The following CACNA1E variants were observed in gnomAD, a reference collection of about 807,000 sequenced individuals.
CACNA1E encodes the protein voltage-dependent R-type calcium channel subunit alpha-1E.
CACNA1E carries 40 observed loss-of-function variants against 259.2 expected under a neutral mutation model. The observed-to-expected ratio is 0.15, with a 90% CI of 0.12 to 0.20. CACNA1E has a LOEUF of 0.20. Among genes scored for constraint, CACNA1E ranks in the 10% least tolerant of loss-of-function variants. The probability of loss-of-function intolerance (pLI) is 1.00; values close to 1 mark genes in which losing one functional copy is unlikely to be tolerated. For missense variants in CACNA1E, 1,874 were observed against 3,040.1 expected (o/e 0.62, Z 9.02); for synonymous variants, 1,104 against 1,138.5 (o/e 0.97, Z 0.61).
At chr1:181,495,845 T>TAAC (rs1664698250) in intron 1 of CACNA1E, among the ~76,000 whole-genome samples, 1 of 152,258 alleles carries the variant, frequency 6.6e-6, no homozygotes, top group Non-Finnish European at 1.5e-5. Flanking sequence ...TATAAATATA[T>TAAC]AACACTTATT....
intron 1 of CACNA1E, among the ~76,000 whole-genome samples, chr1:181,377,044 T>C (rs567205853): frequency 6.1e-4 from 93 of 152,344 alleles, no homozygotes; most frequent in Admixed American, 2.2e-3. Context: ...GTCAAATTCA[T>C]GTATTTGTTC....
intron 6 of CACNA1E, among the ~76,000 whole-genome samples, chr1:181,585,912 G>C (rs1047590563): frequency 6.6e-6 from 1 of 152,196 alleles, no homozygotes; most frequent in African/African-American, 2.4e-5. Context: ...CTCTGAGTGA[G>C]ATGGGAAAGC....
intron 3 of CACNA1E, among the ~76,000 whole-genome samples, chr1:181,512,872 A>G (rs1053554089): frequency 2.6e-5 from 4 of 152,238 alleles, no homozygotes; most frequent in Non-Finnish European, 5.9e-5. Flanking sequence ...ATGAAGATAT[A>G]GTTTTTACAT....
chr1:181,680,180 C>CAGGAGAAA (rs1192527990), intron 7 of CACNA1E, among the ~76,000 whole-genome samples: 1 of 150,310 alleles, frequency 6.7e-6, no homozygotes, highest in Non-Finnish European at 1.5e-5. Flanking sequence ...AGTCAAGACC[C>CAGGAGAAA]AGGAGAAACC....
chr1:181,660,870 A>G (rs755814730), intron 7 of CACNA1E, among the ~76,000 whole-genome samples: 3 of 152,200 alleles, frequency 2.0e-5, no homozygotes, highest in Non-Finnish European at 4.4e-5. Context: ...AAAGTCAATG[A>G]CTGACTCACG....
chr1:181,580,559 T>A, intron 5 of CACNA1E, 36 bp from the exon 6 acceptor site: 1 of 1,594,414 alleles, frequency 6.3e-7, no homozygotes, highest in African/African-American at 1.3e-5. Flanking sequence ...CGAAACACCA[T>A]GTGATTTATC....
rs926850053 is a variant in CACNA1E, at chr1:181,732,569, G to A, written c.2483G>A (p.Arg828Gln). Residue 828 changes from arginine (R) to glutamine (Q), a missense_variant, in exon 20 of 48, where the codon CGG becomes CAG. By Grantham distance (43) the Arg-to-Gln change is conservative. Transcript: ENST00000367573. The surrounding 1 kb of genome is among the most constrained non-coding windows in gnomAD (Gnocchi z 5.5). ...NPLNAHPSLY[R>Q]RPRAIEGLAL... is the part of the protein sequence containing the mutation. ...CTCAATGCCCACCCCAGCCTTTATC[G>A]GCGACCCAGGGCCATTGAGGGCCTG... The A allele has an allele frequency of 9.2e-6, 14 of 1,528,092 alleles. No homozygotes were observed. The highest frequency in any genetic ancestry group is 5.6e-5 in the African/African-American group (4 of 71,850). 94.7% of individuals were successfully genotyped at this position (1,528,092 alleles called of 1,614,324 possible).
At chr1:181,632,816 C>T (rs1656869206) in intron 6 of CACNA1E, among the ~76,000 whole-genome samples, 1 of 152,158 alleles carries the variant, frequency 6.6e-6, no homozygotes, top group Non-Finnish European at 1.5e-5. Context: ...GGAGCATCTG[C>T]CATCTACAGG....
At chr1:181,441,613 C>T (rs906730518) in intron 2 of CACNA1E, among the ~76,000 whole-genome samples, 1 of 152,196 alleles carries the variant, frequency 6.6e-6, no homozygotes, top group Non-Finnish European at 1.5e-5. Flanking sequence ...ACTCGAATCA[C>T]TGTGTGTTCT....
chr1:181,696,242 T>C (rs1651694976), intron 7 of CACNA1E, among the ~76,000 whole-genome samples: 2 of 151,936 alleles, frequency 1.3e-5, no homozygotes, highest in Non-Finnish European at 2.9e-5. Flanking sequence ...ACCTTGGAGA[T>C]TTCCATCACT....
chr1:181,476,802 C>G (rs975541954), intron 2 of CACNA1E, among the ~76,000 whole-genome samples: 7 of 152,144 alleles, frequency 4.6e-5, no homozygotes, highest in African/African-American at 1.2e-4. Context: ...CCTCTGCTCA[C>G]CCCCATCAGT....
intron 2 of CACNA1E, among the ~76,000 whole-genome samples, chr1:181,461,391 A>G (rs1161830261): frequency 1.3e-5 from 2 of 151,636 alleles, no homozygotes; most frequent in East Asian, 3.9e-4. Flanking sequence ...AATACAAAAA[A>G]TTAGCCGGGC....
chr1:181,362,186 A>G (rs972445210), intron 1 of CACNA1E, among the ~76,000 whole-genome samples: 1 of 152,190 alleles, frequency 6.6e-6, no homozygotes, highest in African/African-American at 2.4e-5. Flanking sequence ...ATCCTTCCTC[A>G]TCAGAGCCCA....
rs1182700937 is a variant in CACNA1E, at chr1:181,776,735, A to T, written c.5267+507A>T. ...CAACTGTTCCCTTAAATATTTGTGG[A>T]TTTTTATTACATGGAACTAAATTAA... On this transcript the variant is annotated intron_variant, in intron 38 of 47. Coordinates refer to ENST00000367573, the MANE Select transcript of CACNA1E (RefSeq NM_001205293.3). The surrounding 1 kb of genome is among the most constrained non-coding windows in gnomAD (Gnocchi z 4.4). Among the ~76,000 whole-genome samples the T allele has an allele frequency of 6.6e-6, 1 of 152,210 alleles. No individual in the cohort carries two copies. Among genetic ancestry groups the T allele is most frequent in the Non-Finnish European group, 1.5e-5 (1 of 68,036 alleles).
At chr1:181,748,953 A>G (rs1158106985) in intron 25 of CACNA1E, among the ~76,000 whole-genome samples, 1 of 152,214 alleles carries the variant, frequency 6.6e-6, no homozygotes, top group Admixed American at 6.5e-5. Context: ...GCCCTGTCTT[A>G]TATGTGAGAA....
intron 3 of CACNA1E, among the ~76,000 whole-genome samples, chr1:181,515,779 G>A (rs1666535310): frequency 6.6e-6 from 1 of 152,216 alleles, no homozygotes; most frequent in Admixed American, 6.5e-5. Flanking sequence ...ACAGGGAAAT[G>A]AAGGCGAGGA....
At chr1:181,797,909 T>C (rs1375405012) in intron 47 of CACNA1E, among the ~76,000 whole-genome samples, 1 of 152,222 alleles carries the variant, frequency 6.6e-6, no homozygotes, top group Non-Finnish European at 1.5e-5. Flanking sequence ...GTCTCTCTTT[T>C]AGTGTGCCCC....
intron 6 of CACNA1E, among the ~76,000 whole-genome samples, chr1:181,626,975 T>C (rs1354528050): frequency 6.6e-6 from 1 of 152,200 alleles, no homozygotes; most frequent in African/African-American, 2.4e-5. Flanking sequence ...GTGTAAAATG[T>C]GCAATTAAAA....
upstream of CACNA1E, among the ~76,000 whole-genome samples, chr1:181,480,200 A>G (rs1024187172): frequency 4.6e-5 from 7 of 152,192 alleles, no homozygotes; most frequent in Non-Finnish European, 1.0e-4. Flanking sequence ...ATAGAAATTC[A>G]TAGATCTCAA....
Sources: gnomAD v4.1 joint callset for allele counts (sites outside exome capture counted in the v4.1 genomes callset) on GRCh38, gnomAD v4.1.1 for gene constraint, Gnocchi (gnomAD v3.1) non-coding constraint, MANE v1.5 for transcripts, NCBI Gene and HGNC (gene_info 2026-07-23, HGNC 2026-07-21) for gene names.